Variants in FGFR2 observed in about 807,000 individuals in gnomAD.
FGFR2 encodes the protein fibroblast growth factor receptor 2.
In FGFR2, 19 loss-of-function variants were observed where a neutral mutation model predicts 95.9. The ratio of observed to expected loss-of-function variants is 0.20; its 90% confidence interval spans 0.14 to 0.29. FGFR2 has a LOEUF of 0.29. Ranked by LOEUF, FGFR2 falls within the 10% of genes least tolerant of loss-of-function variation. FGFR2 has a pLI of 1.00. For missense variants in FGFR2, 707 were observed against 1,056.9 expected, an observed-to-expected ratio of 0.67 and a Z score of 4.59; for synonymous variants, 392 against 393.3, an observed-to-expected ratio of 1.00 and a Z score of 0.04.
intron 4 of FGFR2, chr10:121,564,268 C>T: frequency 1.7e-6 from 1 of 575,488 alleles, no homozygotes; most frequent in Non-Finnish European, 3.1e-6. Context: ...GTAGTAACTG[C>T]TTTGAAAAAC....
At chr10:121,512,127 C>A (rs1487210700) in intron 9 of FGFR2, among the ~76,000 whole-genome samples, 3 of 152,114 alleles carry the variant, frequency 2.0e-5, no homozygotes, top group Non-Finnish European at 4.4e-5. Flanking sequence ...AAAGTGGCCT[C>A]ATAAATGCCT....
rs57061338 is a variant in FGFR2 at position 121,548,245 on chromosome 10, C to CTTTTTTTTTTTTTTTTTTTTTTTT, written c.624+3021_624+3044dup. ...TGTGTGGCCCTCTGCCGCTTTTGGC[C>CTTTTTTTTTTTTTTTTTTTTTTTT]TTTTTTTTTTTTTTTTTTTTTTTTT... On this transcript the variant is annotated intron_variant, in intron 5 of 17. Transcript: ENST00000358487. Among the ~76,000 whole-genome samples the CTTTTTTTTTTTTTTTTTTTTTTTT allele has an allele frequency of 3.9e-4, 18 of 46,698 alleles. 2 individuals carry two copies. The highest frequency in any genetic ancestry group is 6.6e-4 in the Non-Finnish European group (16 of 24,198). 30.6% of individuals were successfully genotyped at this position (46,698 alleles called of 152,430 possible).
chr10:121,530,244 A>C (rs1217326380), intron 6 of FGFR2: 1 of 152,384 alleles, frequency 6.6e-6, no homozygotes, highest in Non-Finnish European at 1.5e-5. Flanking sequence ...GGGTCTCCTA[A>C]GGGAGAGGGA....
chr10:121,592,706 C>G (rs3135724), intron 2 of FGFR2, among the ~76,000 whole-genome samples: 1 of 151,976 alleles, frequency 6.6e-6, no homozygotes, highest in Non-Finnish European at 1.5e-5. Context: ...ATTCACCCCA[C>G]GCACGAGATG....
At chr10:121,520,207 G>A (rs1400867254) in intron 6 of FGFR2, 38 bp from the exon 7 acceptor site, 4 of 1,581,114 alleles carry the variant, frequency 2.5e-6, no homozygotes, top group South Asian at 1.1e-5. Flanking sequence ...GTGGGGATGG[G>A]AGAATGAGAG....
intron 5 of FGFR2, among the ~76,000 whole-genome samples, chr10:121,544,072 T>G (rs1443776498): frequency 2.0e-5 from 3 of 152,208 alleles, no homozygotes; most frequent in African/African-American, 7.2e-5. Flanking sequence ...GACAGATACT[T>G]GTACACCAAT....
At chr10:121,543,423 T>C (rs1854050637) in intron 5 of FGFR2, among the ~76,000 whole-genome samples, 1 of 152,106 alleles carries the variant, frequency 6.6e-6, no homozygotes, top group Non-Finnish European at 1.5e-5. Flanking sequence ...GGCAAGAGAA[T>C]CGCTTGAACC....
intron 5 of FGFR2, among the ~76,000 whole-genome samples, chr10:121,547,195 G>A (rs1854647576): frequency 6.6e-6 from 1 of 152,162 alleles, no homozygotes; most frequent in Non-Finnish European, 1.5e-5. Context: ...TTGCACTCCA[G>A]CCTGGGCAAC....
chr10:121,487,991 A>G lies in FGFR2; in HGVS notation c.1986T>C (p.Asn662=), dbSNP rs2133834377. 6.2e-7 allele frequency: 1 copy of G among 1,614,024 alleles called. No individual in the cohort carries two copies. Among genetic ancestry groups the G allele is most frequent in the East Asian group, 2.2e-5 (1 of 44,870 alleles). The change falls in exon 14 of 18, where the codon AAT becomes AAC. Residue 662 remains asparagine (N), a splice_region_variant and synonymous_variant. Coordinates refer to ENST00000358487, the MANE Select transcript of FGFR2 (RefSeq NM_000141.5). The stretch of plus-strand genomic sequence containing the variant: ...CACTGTGTTACTGCCATCGACTTAC[A>G]TTGGTGGTCTTTTTGTAATAGTCTA... The part of the protein sequence containing the change: ...NNIDYYKKTT[N]GRLPVKWMAP...
At chr10:121,544,444 A>T (rs1230863591) in intron 5 of FGFR2, among the ~76,000 whole-genome samples, 1 of 110,194 alleles carries the variant, frequency 9.1e-6, no homozygotes, top group African/African-American at 4.9e-5. Flanking sequence ...ACTCCGTCTT[A>T]AAAAAAAAAA....
rs1236484254 is a variant in FGFR2, at chr10:121,485,566, C to A, written c.2058-34G>T. On this transcript the variant is annotated intron_variant, in intron 15 of 17. Transcript: ENST00000358487. This position sits in a 1 kb window ranked among gnomAD's most constrained non-coding sequence, Gnocchi z 4.2. ...AAAGGAGAAAGCACGGCATTACTAA[C>A]CCATCCACGTTGCCAAAACCTAAAC... 1 of 1,613,868 alleles carries A rather than the reference C, an allele frequency of 6.2e-7. No individual in the cohort carries two copies. Among genetic ancestry groups the A allele is most frequent in the African/African-American group, 1.3e-5 (1 of 74,910 alleles).
intron 17 of FGFR2, among the ~76,000 whole-genome samples, chr10:121,482,475 T>G (rs1844884833): frequency 6.6e-6 from 1 of 152,248 alleles, no homozygotes; most frequent in South Asian, 2.1e-4. Flanking sequence ...AATCAGAAAT[T>G]AAGTGTATTA....
At chr10:121,550,183 G>A (rs185129415) in intron 5 of FGFR2, among the ~76,000 whole-genome samples, 1 of 152,026 alleles carries the variant, frequency 6.6e-6, no homozygotes, top group East Asian at 1.9e-4. Flanking sequence ...TCTTCCAAAC[G>A]CCAATCCAAT....
chr10:121,583,139 C>G (rs1443530106), intron 2 of FGFR2, among the ~76,000 whole-genome samples: 1 of 152,130 alleles, frequency 6.6e-6, no homozygotes, highest in Non-Finnish European at 1.5e-5. Flanking sequence ...TTCTTAGTCT[C>G]TCCTCCTAAT....
chr10:121,512,337 G>GA (rs1230131385), intron 9 of FGFR2, among the ~76,000 whole-genome samples: 1 of 152,136 alleles, frequency 6.6e-6, no homozygotes, highest in Non-Finnish European at 1.5e-5. Flanking sequence ...GCGTACTGAT[G>GA]AAACATTCTT....
chr10:121,565,480 T>C lies in FGFR2; in HGVS notation c.334A>G (p.Thr112Ala), dbSNP rs1055824076. The change falls in exon 3 of 18, where the codon ACT (threonine) becomes GCT (alanine). Residue 112 changes from threonine (T) to alanine (A), a missense_variant. Physicochemically the swap from Thr to Ala is moderately conservative, Grantham distance 58. This residue lies in a region of FGFR2 where 178 missense variants were observed against 194.1 expected (regional missense o/e 0.92). Transcript: ENST00000358487. The stretch of plus-strand genomic sequence containing the variant: ...AAGTACCAAGTTTCACTGTCTACAG[T>C]CCTACTGGCAGTACAAGCATAGAGG... ...SGLYACTASRTVDSETWYFMV... is the reference protein window; with the variant it reads ...SGLYACTASRAVDSETWYFMV... The C allele has an allele frequency of 6.2e-7, 1 of 1,614,056 alleles. No homozygotes were observed.
At chr10:121,586,965 T>A (rs1237466904) in intron 2 of FGFR2, among the ~76,000 whole-genome samples, 1 of 152,114 alleles carries the variant, frequency 6.6e-6, no homozygotes, top group Non-Finnish European at 1.5e-5. Context: ...ATAACAAAGC[T>A]GGGGGCATCA....
intron 9 of FGFR2, among the ~76,000 whole-genome samples, chr10:121,510,704 T>G (rs752574690): frequency 2.0e-5 from 3 of 152,166 alleles, no homozygotes; most frequent in African/African-American, 7.2e-5. Context: ...ATCTTGGTCC[T>G]ATTCCTAACG....
chr10:121,555,373 CAA>C, intron 4 of FGFR2, among the ~76,000 whole-genome samples: 1 of 17,676 alleles, frequency 5.7e-5, no homozygotes. Context: ...AACTCTGTCT[CAA>C]TCAATCAATC....
Sources: allele counts gnomAD v4.1 joint callset (sites outside exome capture counted in the v4.1 genomes callset), GRCh38; gene constraint gnomAD v4.1.1; regional missense constraint gnomAD v4.1.1; non-coding constraint Gnocchi (gnomAD v3.1); transcripts MANE v1.5; gene names NCBI Gene and HGNC (gene_info 2026-07-23, HGNC 2026-07-21).